The following EYS variants were observed in gnomAD, a reference collection of about 807,000 sequenced individuals.
EYS encodes EGF-like photoreceptor maintenance factor.
EYS carries 250 observed loss-of-function variants against 282.1 expected under a neutral mutation model. That is an observed-to-expected ratio of 0.89 (90% CI 0.80 to 0.98). The LOEUF (loss-of-function observed/expected upper bound fraction) is 0.98, where lower values mean the gene tolerates loss of function less well. EYS is among the 50% of genes least tolerant of loss of function. The pLI is 0.00. For missense variants in EYS, 4,016 were observed against 3,709.0 expected, an observed-to-expected ratio of 1.08 and a Z score of -2.15; for synonymous variants, 1,355 against 1,282.9, an observed-to-expected ratio of 1.06 and a Z score of -1.20.
At position 65,401,893 on chromosome 6, in the gene EYS, A is replaced by G. The variant is rs182375836; in HGVS notation, c.1184+585T>C. Among the ~76,000 whole-genome samples, 623 of 152,050 alleles carry G rather than the reference A, an allele frequency of 4.1e-3. 5 individuals are homozygous for G. The highest frequency in any genetic ancestry group is 0.014 in the African/African-American group (590 of 41,550). ...GGCAAGTGTGAAGAGTATAAATTGT[A>G]TTTCTTAATGATGTGAGAAAATGTC... On this transcript the variant is annotated intron_variant, in intron 7 of 42. Transcript: ENST00000503581.
intron 12 of EYS, among the ~76,000 whole-genome samples, chr6:65,224,377 A>G (rs1454175152): frequency 6.6e-6 from 1 of 152,216 alleles, no homozygotes; most frequent in Non-Finnish European, 1.5e-5. Context: ...TGAAAAAGAT[A>G]TACAGTATGC....
intron 2 of EYS, among the ~76,000 whole-genome samples, chr6:65,509,761 T>C (rs1582394278): frequency 1.3e-5 from 2 of 152,348 alleles, no homozygotes; most frequent in South Asian, 2.1e-4. Flanking sequence ...GTAAACCTCC[T>C]GTCAATATGG....
At chr6:63,925,495 A>G (rs1358724559) in intron 35 of EYS, among the ~76,000 whole-genome samples, 1 of 152,146 alleles carries the variant, frequency 6.6e-6, no homozygotes, top group East Asian at 1.9e-4. Context: ...ACTTTCACGT[A>G]TTTCTGGTTT....
chr6:64,956,424 A>G (rs1583329433), intron 14 of EYS, among the ~76,000 whole-genome samples: 1 of 152,216 alleles, frequency 6.6e-6, no homozygotes, highest in East Asian at 1.9e-4. Flanking sequence ...ATCTCTCATC[A>G]TGTACAAAAG....
intron 12 of EYS, among the ~76,000 whole-genome samples, chr6:65,270,107 C>T (rs1181759219): frequency 2.0e-5 from 3 of 152,142 alleles, no homozygotes; most frequent in Non-Finnish European, 4.4e-5. Flanking sequence ...CAAAATTCCT[C>T]TCCAGCTGTG....
chr6:65,079,963 A>C (rs751556967), intron 12 of EYS, among the ~76,000 whole-genome samples: 7 of 152,150 alleles, frequency 4.6e-5, no homozygotes, highest in Non-Finnish European at 8.8e-5. Context: ...GTGTGGTATA[A>C]TGGTGCATTT....
chr6:65,155,706 T>C lies in EYS; in HGVS notation c.2024-97979A>G, dbSNP rs867580626. ...ACTCAATATGATTTCCTCAGTTATT[T>C]ATTCAACAGAAAGTTGTCTATTATG... On this transcript the variant is annotated intron_variant, in intron 12 of 42. Transcript: ENST00000503581. Among the ~76,000 whole-genome samples, 7 of 151,712 alleles carry C rather than the reference T, an allele frequency of 4.6e-5. No individual in the cohort carries two copies. The South Asian group carries it at 1.4e-3, about 31-fold the overall frequency.
intron 12 of EYS, among the ~76,000 whole-genome samples, chr6:65,178,008 T>C (rs1452918629): frequency 6.6e-6 from 1 of 151,840 alleles, no homozygotes; most frequent in African/African-American, 2.4e-5. Flanking sequence ...TAAAATAAAA[T>C]TGACAAATAG....
At chr6:64,898,438 C>T (rs115226460) in intron 18 of EYS, among the ~76,000 whole-genome samples, 3,089 of 152,032 alleles carry the variant, frequency 0.02, 105 homozygotes, top group African/African-American at 0.071. Context: ...TGCCTTACAA[C>T]GGCTCCTGAA....
intron 32 of EYS, among the ~76,000 whole-genome samples, chr6:64,072,895 A>AAGCAT: frequency 6.6e-6 from 1 of 152,044 alleles, no homozygotes; most frequent in Non-Finnish European, 1.5e-5. Context: ...CTGTTGTGCC[A>AAGCAT]TATGTACAAG....
intron 8 of EYS, among the ~76,000 whole-genome samples, chr6:65,370,075 G>C (rs1463656863): frequency 6.6e-6 from 1 of 151,596 alleles, no homozygotes; most frequent in Non-Finnish European, 1.5e-5. Flanking sequence ...CAGTATTTCT[G>C]TTTAATTCAG....
At chr6:65,498,970 G>C (rs1263160643) in intron 2 of EYS, among the ~76,000 whole-genome samples, 2 of 151,772 alleles carry the variant, frequency 1.3e-5, no homozygotes, top group African/African-American at 4.8e-5. Flanking sequence ...ATAAATTCTT[G>C]GGCCAAGAAG....
At chr6:65,527,784 CTG>C (rs1430105918) in intron 2 of EYS, among the ~76,000 whole-genome samples, 3 of 152,164 alleles carry the variant, frequency 2.0e-5, no homozygotes, top group African/African-American at 7.2e-5. Context: ...ACATGATAAA[CTG>C]TGTAGATATG....
intron 22 of EYS, among the ~76,000 whole-genome samples, chr6:64,762,271 A>G (rs1196902150): frequency 2.0e-5 from 3 of 152,202 alleles, no homozygotes; most frequent in Admixed American, 6.5e-5. Context: ...GCTGAAAAAA[A>G]GTAATGAACA....
At chr6:63,832,806 A>T (rs746301411) in intron 36 of EYS, among the ~76,000 whole-genome samples, 1 of 152,214 alleles carries the variant, frequency 6.6e-6, no homozygotes, top group Non-Finnish European at 1.5e-5. Context: ...ACATCAATGT[A>T]AAAATCCTCA....
intron 12 of EYS, among the ~76,000 whole-genome samples, chr6:65,159,422 A>G (rs984227575): frequency 1.3e-5 from 2 of 150,810 alleles, no homozygotes; most frequent in Non-Finnish European, 3.0e-5. Context: ...TAGGCCAATG[A>G]CATTTTGGCT....
intron 22 of EYS, among the ~76,000 whole-genome samples, chr6:64,702,178 C>T (rs950774647): frequency 6.6e-5 from 10 of 151,934 alleles, no homozygotes; most frequent in East Asian, 1.9e-4. Flanking sequence ...AAAAGAAAAG[C>T]GTGTCTATGA....
intron 13 of EYS, among the ~76,000 whole-genome samples, chr6:65,031,285 G>A (rs942683217): frequency 4.6e-5 from 7 of 151,656 alleles, no homozygotes; most frequent in South Asian, 2.1e-4. Flanking sequence ...AATAGTGGCA[G>A]ACTTTAACAC....
chr6:64,262,045 G>A (rs1767608098), intron 30 of EYS, among the ~76,000 whole-genome samples: 1 of 152,048 alleles, frequency 6.6e-6, no homozygotes, highest in Non-Finnish European at 1.5e-5. Context: ...AGGAGCCACT[G>A]TGCCAGGCTA....
Sources: allele counts gnomAD v4.1 joint callset (sites outside exome capture counted in the v4.1 genomes callset), GRCh38; gene constraint gnomAD v4.1.1; transcripts MANE v1.5; gene names NCBI Gene and HGNC (gene_info 2026-07-23, HGNC 2026-07-21).